GPR180: variants seen among roughly 807,000 people sequenced by gnomAD.
GPR180 encodes the protein integral membrane protein GPR180.
In GPR180, 53 loss-of-function variants were observed where a neutral mutation model predicts 52.6. The observed-to-expected ratio is 1.01, with a 90% CI of 0.81 to 1.27. The LOEUF (loss-of-function observed/expected upper bound fraction) is 1.27. Ranked by LOEUF, GPR180 falls within the 50% of genes most tolerant of loss-of-function variation. The pLI is 0.00. For missense variants in GPR180, 533 were observed against 527.0 expected, an observed-to-expected ratio of 1.01 and a Z score of -0.11; for synonymous variants, 200 against 193.1, an observed-to-expected ratio of 1.04 and a Z score of -0.30.
rs759604155 is a variant in GPR180, at chr13:94,621,275, A to G, written c.894+40A>G. On this transcript the variant is annotated intron_variant, in intron 6 of 8. Transcript: ENST00000376958. ...TCAGTGTTTCTGCTTAGTAATCCTC[A>G]GAAATGCAAACTTGAGCATACCTCA... 3.4e-5 allele frequency: 49 copies of G among 1,456,966 alleles called. No individual in the cohort carries two copies. In the South Asian group the frequency reaches 7.2e-4, roughly 21 times the overall value. The allele number at this position is 1,456,966 out of a possible 1,614,324, so 90.3% of individuals were successfully genotyped here.
At position 94,602,068 on chromosome 13, in the gene GPR180, C is replaced by A; in HGVS notation, c.141C>A (p.Phe47Leu). 2 of 1,384,722 alleles carry A rather than the reference C, an allele frequency of 1.4e-6. No homozygotes were observed. The highest frequency in any genetic ancestry group is 1.9e-6 in the Non-Finnish European group (2 of 1,065,074). 85.8% of individuals were successfully genotyped at this position (1,384,722 alleles called of 1,614,324 possible). A position where few individuals can be genotyped will look rare whatever the true frequency, so the allele number is the denominator to read the frequency against. ...GCCAGCGCATCGGCCACTTCGAGTT[C>A]CATGGTAGGTCTGGGGGCGGGGAGG... ...AQGQRIGHFE[F>L]HGDHALLCVR... The change falls in exon 1 of 9, where the codon TTC becomes TTA. Residue 47 changes from phenylalanine (F) to leucine (L), a missense_variant. Coordinates refer to ENST00000376958, the MANE Select transcript of GPR180 (RefSeq NM_180989.6).
rs867235236 is a variant in GPR180, at chr13:94,605,405, C to T, written c.160C>T (p.Leu54=). The change falls in exon 2 of 9, where the codon CTG becomes TTG. Residue 54 remains leucine (L), a synonymous_variant. Coordinates refer to ENST00000376958, the MANE Select transcript of GPR180 (RefSeq NM_180989.6). ...TTAATGTCAAGGTGACCATGCTCTT[C>T]TGTGTGTCAGAATCAACAACATAGC... ...HFEFHGDHAL[L]CVRINNIAVA... The T allele has an allele frequency of 1.9e-6, 3 of 1,613,886 alleles. No homozygotes were observed. In the East Asian group the frequency reaches 6.7e-5, roughly 36 times the overall value.
intron 5 of GPR180, among the ~76,000 whole-genome samples, chr13:94,620,168 T>C (rs1889833837): frequency 6.6e-6 from 1 of 152,226 alleles, no homozygotes; most frequent in Non-Finnish European, 1.5e-5. Flanking sequence ...TATTGAGTGG[T>C]AGAGACTAGA....
intron 2 of GPR180, among the ~76,000 whole-genome samples, chr13:94,607,990 A>C (rs1307345962): frequency 6.6e-6 from 1 of 152,190 alleles, no homozygotes; most frequent in East Asian, 1.9e-4. Flanking sequence ...CTCCAACAAA[A>C]ACTTACTAGG....
In GPR180 at chr13:94,630,428, TG is replaced by T. The variant is rs1355604008; in HGVS notation, c.*3258del. 6.6e-6 allele frequency: 1 copy of T among 152,252 alleles called. No homozygotes were observed. Among genetic ancestry groups the T allele is most frequent in the Non-Finnish European group, 1.5e-5 (1 of 68,050 alleles). The allele number at this position is 152,252 out of a possible 1,614,324, so 9.4% of individuals were successfully genotyped here. On this transcript the variant is annotated 3_prime_UTR_variant, in exon 9 of 9. Coordinates refer to ENST00000376958, the MANE Select transcript of GPR180 (RefSeq NM_180989.6). ...ATACAGAAATTCTTTGTGCTAATCT[TG>T]TAATTTTTTTGTAAGTTTGAAATTA...
rs563181046 is a variant in GPR180, at chr13:94,612,884, G to C, written c.505+494G>C. Among the ~76,000 whole-genome samples, 1,033 of 150,982 alleles carry C rather than the reference G, an allele frequency of 6.8e-3. 9 individuals carry two copies. Among genetic ancestry groups the C allele is most frequent in the African/African-American group, 0.024 (983 of 40,882 alleles). On this transcript the variant is annotated intron_variant, in intron 3 of 8. Coordinates refer to ENST00000376958, the MANE Select transcript of GPR180 (RefSeq NM_180989.6). ...TGGGTAACTCTGTACTAGCTTGTTT[G>C]AACAGATTTAGGGATTGCCTTCATT...
intron 4 of GPR180, 32 bp downstream of exon 4, chr13:94,619,362 A>T: frequency 6.2e-7 from 1 of 1,607,922 alleles, no homozygotes; most frequent in South Asian, 1.1e-5. Context: ...TGTGTTCATC[A>T]TTACATCTAA....
At chr13:94,621,008 T>A in intron 5 of GPR180, 70 bp from the exon 6 acceptor site, 1 of 1,342,982 alleles carries the variant, frequency 7.4e-7, no homozygotes, top group Non-Finnish European at 1.0e-6. Flanking sequence ...AAAGATGTTC[T>A]CAATGCAAAA....
rs1421798290 is a variant in GPR180, at chr13:94,619,226, G to A, written c.582G>A (p.Gln194=). ...IACIYAQSLW[Q]AIKKGGPMHM... Reference sequence around the variant, plus strand: ...GCATTTATGCTCAATCATTGTGGCAGGCTATTAAGAAAGGCGGACCCATGC... The same window carrying A: ...GCATTTATGCTCAATCATTGTGGCAAGCTATTAAGAAAGGCGGACCCATGC... Residue 194 remains glutamine (Q), a synonymous_variant, in exon 4 of 9, where the codon CAG becomes CAA. Transcript: ENST00000376958. 9 of 1,614,060 alleles carry A rather than the reference G, an allele frequency of 5.6e-6. No homozygotes were observed. Among genetic ancestry groups the A allele is most frequent in the Non-Finnish European group, 7.6e-6 (9 of 1,179,986 alleles).
intron 3 of GPR180, among the ~76,000 whole-genome samples, chr13:94,617,133 C>T (rs1325224501): frequency 6.6e-6 from 1 of 151,966 alleles, no homozygotes; most frequent in Non-Finnish European, 1.5e-5. Flanking sequence ...ATTCTCATTC[C>T]TCAGTAAATA....
Position 94,627,161 on chromosome 13 carries a change from C to T in GPR180, c.1313C>T (p.Pro438Leu). 8 of 1,611,920 alleles carry T rather than the reference C, an allele frequency of 5.0e-6. No individual in the cohort carries two copies. The highest frequency in any genetic ancestry group is 5.9e-6 in the Non-Finnish European group (7 of 1,179,202). ...ATATCATCTGGACACAAAAGTCGCC[C>T]TCATTTCTGATACTTGATTTTTGTT... Reference protein sequence around the residue: ...LTISSGHKSRPHF With the variant: ...LTISSGHKSRLHF Residue 438 changes from proline to leucine, a missense_variant, in exon 9 of 9, where the codon CCT (proline) becomes CTT (leucine). Pro to Leu is a moderately conservative substitution (Grantham distance 98). Transcript: ENST00000376958.
chr13:94,624,442 G>A (rs377122470), intron 7 of GPR180, among the ~76,000 whole-genome samples: 1 of 152,202 alleles, frequency 6.6e-6, no homozygotes, highest in Non-Finnish European at 1.5e-5. Flanking sequence ...GCTTCTGAGC[G>A]CAAGACAAGA....
At chr13:94,602,664 A>G (rs904189072) in intron 1 of GPR180, among the ~76,000 whole-genome samples, 1 of 152,126 alleles carries the variant, frequency 6.6e-6, no homozygotes, top group Non-Finnish European at 1.5e-5. Context: ...ATGAAAATGC[A>G]TTTAAGTAGC....
chr13:94,605,616 A>T lies in GPR180; in HGVS notation c.304+67A>T, dbSNP rs146725896. 2.3e-4 allele frequency: 299 copies of T among 1,286,244 alleles called. No individual in the cohort carries two copies. The African/African-American group carries it at 2.6e-3, about 11-fold the overall frequency. The allele number at this position is 1,286,244 out of a possible 1,614,324, so 79.7% of individuals were successfully genotyped here. A position where few individuals can be genotyped will look rare whatever the true frequency, so the allele number is the denominator to read the frequency against. Reference sequence around the variant, plus strand: ...TTTCCTCCTAATGTTGAAATATAGTACCATATGTACATATGTTATGTTTCC... The same window carrying T: ...TTTCCTCCTAATGTTGAAATATAGTTCCATATGTACATATGTTATGTTTCC... On this transcript the variant is annotated intron_variant, in intron 2 of 8. Transcript: ENST00000376958.
chr13:94,602,008 C>T lies in GPR180; in HGVS notation c.81C>T (p.Gly27=). 1 of 1,468,788 alleles carries T rather than the reference C, an allele frequency of 6.8e-7. No homozygotes were observed. Among genetic ancestry groups the T allele is most frequent in the Non-Finnish European group, 9.0e-7 (1 of 1,111,520 alleles). The allele number at this position is 1,468,788 out of a possible 1,614,324, so 91.0% of individuals were successfully genotyped here. ...GCAGCCAGGGTAAGACCCTGCGGGGCAGCTTCAGCAGCACCGCGGCCCAGG... is the reference window on the plus strand; with the variant it reads ...GCAGCCAGGGTAAGACCCTGCGGGGTAGCTTCAGCAGCACCGCGGCCCAGG... The part of the protein sequence containing the change: ...PQGSQGKTLR[G]SFSSTAAQDA... Residue 27 remains glycine, a synonymous_variant, in exon 1 of 9, where the codon GGC becomes GGT. Transcript: ENST00000376958.
At chr13:94,619,629 T>A in intron 5 of GPR180, 112 bp downstream of exon 5, 1 of 872,122 alleles carries the variant, frequency 1.1e-6, no homozygotes, top group Admixed American at 2.4e-5. Flanking sequence ...GAAATCAGCT[T>A]GACTGAGAAC....
chr13:94,622,746 T>G (rs1272137730), intron 6 of GPR180, among the ~76,000 whole-genome samples: 1 of 152,212 alleles, frequency 6.6e-6, no homozygotes, highest in Admixed American at 6.5e-5. Flanking sequence ...GCTAATTTTT[T>G]GTATTTTTAG....
At chr13:94,618,420 A>ATGTTTTTTTTTTTTTTTTTTT (rs1708605808) in intron 3 of GPR180, among the ~76,000 whole-genome samples, 1 of 87,156 alleles carries the variant, frequency 1.1e-5, no homozygotes, top group African/African-American at 6.3e-5. Context: ...TCAGCACAGG[A>ATGTTTTTTTTTTTTTTTTTTT]TTTTTTTTTT....
rs2138571944 is a variant in GPR180 at position 94,627,411 on chromosome 13, G to A, written c.*240G>A. 4 of 431,880 alleles carry A rather than the reference G, an allele frequency of 9.3e-6. No individual in the cohort carries two copies. The East Asian group carries it at 1.3e-4, about 14-fold the overall frequency. The allele number at this position is 431,880 out of a possible 1,614,324, so 26.8% of individuals were successfully genotyped here. On this transcript the variant is annotated 3_prime_UTR_variant, in exon 9 of 9. Transcript: ENST00000376958. ...AAAGTGTTGTTATAAAATTATTGAA[G>A]CGATTTCTATGTGGAAATAAATGTG...
Sources: allele counts gnomAD v4.1 joint callset (sites outside exome capture counted in the v4.1 genomes callset), GRCh38; gene constraint gnomAD v4.1.1; transcripts MANE v1.5; gene names NCBI Gene and HGNC (gene_info 2026-07-23, HGNC 2026-07-21).